The following PCLO variants were observed in gnomAD, a reference collection of about 807,000 sequenced individuals.
The protein encoded by PCLO is piccolo presynaptic cytomatrix protein.
In PCLO, 82 loss-of-function variants were observed where a neutral mutation model predicts 427.5. That is an observed-to-expected ratio of 0.19 (90% confidence interval 0.16 to 0.23). PCLO has a LOEUF of 0.23. Among genes scored for constraint, PCLO ranks in the 10% least tolerant of loss-of-function variants. The pLI, the probability that PCLO is intolerant of heterozygous loss-of-function variation, is 1.00. For synonymous variants in PCLO, 2,357 were observed against 2,155.4 expected, an observed-to-expected ratio of 1.09 and a Z score of -2.59; for missense variants, 6,239 against 6,115.9, an observed-to-expected ratio of 1.02 and a Z score of -0.67.
intron 3 of PCLO, among the ~76,000 whole-genome samples, chr7:83,125,165 C>G (rs915176358): frequency 4.6e-5 from 7 of 152,160 alleles, no homozygotes; most frequent in Non-Finnish European, 1.0e-4. Context: ...CAGCCTCTGC[C>G]CGGCCGCCAC....
chr7:82,776,634 A>C (rs1456410461), intron 22 of PCLO, among the ~76,000 whole-genome samples: 1 of 152,144 alleles, frequency 6.6e-6, no homozygotes, highest in African/African-American at 2.4e-5. Context: ...GTCTCTACTA[A>C]AAATACAAAA....
rs758487913 is a variant in PCLO, at chr7:82,902,691, C to A, written c.13488G>T (p.Arg4496Ser). The change falls in exon 9 of 25, where the codon AGG becomes AGT. Residue 4496 changes from arginine (R) to serine (S), a missense_variant. By Grantham distance (110) the Arg-to-Ser change is moderately radical. Coordinates refer to ENST00000333891, the MANE Select transcript of PCLO (RefSeq NM_033026.6). ...KTMHYIFPHA[R>S]IKITRDSKDH... ...CCTTTGAGTCTCTTGTTATTTTTAT[C>A]CTTGCGTGAGGAAAGATGTAGTGCA... 2.5e-6 allele frequency: 4 copies of A among 1,601,132 alleles called. No homozygotes were observed. The highest frequency in any genetic ancestry group is 1.7e-5 in the Admixed American group (1 of 59,758).
rs370464085 is a variant in PCLO at position 82,955,223 on chromosome 7, C to T, written c.5730G>A (p.Ala1910=). 217 of 1,613,642 alleles carry T rather than the reference C, an allele frequency of 1.3e-4. No individual in the cohort carries two copies. The highest frequency in any genetic ancestry group is 4.8e-4 in the African/African-American group (36 of 74,924). The part of the protein sequence containing the change: ...SIMQKEGSQK[A]LKSAEEMYEE... ...CATACATCTCCTCAGCACTTTTTAACGCCTTTTGGCTACCTTCTTTCTGCA... is the reference window on the plus strand; with the variant it reads ...CATACATCTCCTCAGCACTTTTTAATGCCTTTTGGCTACCTTCTTTCTGCA... Residue 1910 remains alanine, a synonymous_variant, in exon 5 of 25, where the codon GCG becomes GCA. Coordinates refer to ENST00000333891, the MANE Select transcript of PCLO (RefSeq NM_033026.6).
At chr7:83,048,788 G>T (rs572444981) in intron 3 of PCLO, among the ~76,000 whole-genome samples, 111 of 152,062 alleles carry the variant, frequency 7.3e-4, no homozygotes, top group African/African-American at 2.6e-3. Flanking sequence ...ATGGTTTAAA[G>T]AGCACCATAT....
intron 3 of PCLO, among the ~76,000 whole-genome samples, chr7:83,034,037 C>T (rs1438850015): frequency 2.6e-5 from 4 of 152,080 alleles, no homozygotes; most frequent in Non-Finnish European, 5.9e-5. Flanking sequence ...TGTTAAATAA[C>T]TTTAAATTGG....
chr7:83,138,833 G>A (rs1791794242), intron 2 of PCLO, among the ~76,000 whole-genome samples: 1 of 151,754 alleles, frequency 6.6e-6, no homozygotes, highest in South Asian at 2.1e-4. Flanking sequence ...CTCGGGGGGT[G>A]GGGAAATAGG....
intron 22 of PCLO, among the ~76,000 whole-genome samples, chr7:82,789,524 G>A (rs936699585): frequency 1.3e-5 from 2 of 152,076 alleles, no homozygotes; most frequent in Non-Finnish European, 2.9e-5. Flanking sequence ...TGGCCAACAT[G>A]GTGAAACCCC....
intron 3 of PCLO, among the ~76,000 whole-genome samples, chr7:82,974,224 T>C (rs752694544): frequency 1.8e-4 from 28 of 152,130 alleles, no homozygotes; most frequent in Non-Finnish European, 3.8e-4. Context: ...CCATTTCTAC[T>C]GAATGTACAA....
At chr7:83,132,369 T>C (rs181667718) in intron 3 of PCLO, among the ~76,000 whole-genome samples, 1,573 of 152,304 alleles carry the variant, frequency 0.01, 16 homozygotes, top group Non-Finnish European at 0.015. Context: ...CCTGTCTAAA[T>C]ACTTGAGACA....
chr7:82,841,608 C>T, intron 13 of PCLO, 99 bp from the exon 14 acceptor site: 1 of 737,390 alleles, frequency 1.4e-6, no homozygotes, highest in Non-Finnish European at 2.3e-6. Context: ...TTGGTCAGAG[C>T]AACTGCTTGG....
chr7:83,152,938 G>A (rs1439253975), intron 2 of PCLO, among the ~76,000 whole-genome samples: 1 of 151,916 alleles, frequency 6.6e-6, no homozygotes, highest in Non-Finnish European at 1.5e-5. Context: ...CACATAGTAG[G>A]TATTCAAATA....
At chr7:82,946,916 A>C (rs1004619684) in intron 6 of PCLO, among the ~76,000 whole-genome samples, 3 of 152,184 alleles carry the variant, frequency 2.0e-5, no homozygotes, top group Non-Finnish European at 4.4e-5. Context: ...GCACATTGTA[A>C]ATAAAAGATG....
At chr7:82,981,018 G>A (rs959245542) in intron 3 of PCLO, among the ~76,000 whole-genome samples, 1 of 152,096 alleles carries the variant, frequency 6.6e-6, no homozygotes, top group Non-Finnish European at 1.5e-5. Context: ...TCTCAGAGAT[G>A]AGTCTATAGT....
chr7:83,125,440 G>A (rs918876236), intron 3 of PCLO, among the ~76,000 whole-genome samples: 33 of 152,208 alleles, frequency 2.2e-4, no homozygotes, highest in Admixed American at 8.5e-4. Flanking sequence ...TGGTTTTGTC[G>A]AATAGAAAAG....
intron 14 of PCLO, 29 bp from the exon 15 acceptor site, chr7:82,838,371 G>A (rs757467951): frequency 1.5e-6 from 2 of 1,312,396 alleles, no homozygotes; most frequent in Non-Finnish European, 1.0e-6. Flanking sequence ...TATTCCATAA[G>A]TTTTTAAAAG....
At chr7:82,858,710 C>G (rs980040453) in intron 10 of PCLO, among the ~76,000 whole-genome samples, 3 of 151,964 alleles carry the variant, frequency 2.0e-5, no homozygotes, top group Non-Finnish European at 4.4e-5. Flanking sequence ...TTTGAAATAT[C>G]ATATATGATA....
chr7:82,895,193 C>T (rs1793872164), intron 9 of PCLO, among the ~76,000 whole-genome samples: 1 of 151,740 alleles, frequency 6.6e-6, no homozygotes, highest in South Asian at 2.1e-4. Flanking sequence ...CTGGAAAAAT[C>T]CCCAAACATT....
At chr7:82,760,540 T>C (rs560561200) in intron 24 of PCLO, 99 bp downstream of exon 24, 3 of 698,646 alleles carry the variant, frequency 4.3e-6, no homozygotes, top group South Asian at 3.6e-5. Context: ...TCAAATGTCA[T>C]ATAGTGTATG....
At chr7:83,135,798 G>T in intron 2 of PCLO, 142 bp from the exon 3 acceptor site, 1 of 566,348 alleles carries the variant, frequency 1.8e-6, no homozygotes, top group African/African-American at 1.9e-5. Context: ...TTAATAAATT[G>T]ATATTAAAAT....
Sources: allele counts gnomAD v4.1 joint callset (sites outside exome capture counted in the v4.1 genomes callset), GRCh38; gene constraint gnomAD v4.1.1; transcripts MANE v1.5; gene names NCBI Gene and HGNC (gene_info 2026-07-23, HGNC 2026-07-21).